The following EPHX4 variants were observed in gnomAD, a reference collection of about 807,000 sequenced individuals.
EPHX4 encodes epoxide hydrolase 4, also known as abhydrolase domain containing 7.
Under a neutral mutation model 44.9 loss-of-function variants are expected in EPHX4, and 31 were observed. The ratio of observed to expected loss-of-function variants is 0.69; its 90% CI spans 0.52 to 0.93. The LOEUF (loss-of-function observed/expected upper bound fraction) is 0.93. EPHX4 is among the 40% of genes least tolerant of loss of function. The pLI is 0.00. For missense variants in EPHX4, 373 were observed against 438.1 expected (o/e 0.85, Z 1.33); for synonymous variants, 151 against 159.7 (o/e 0.95, Z 0.41).
intron 2 of EPHX4, among the ~76,000 whole-genome samples, chr1:92,039,909 C>T (rs900443159): frequency 6.6e-6 from 1 of 152,164 alleles, no homozygotes; most frequent in African/African-American, 2.4e-5. Context: ...CCACTTTGGC[C>T]TTCCAAAGTG....
chr1:92,045,566 G>C lies in EPHX4; in HGVS notation c.510G>C (p.Trp170Cys), dbSNP rs746747897. ...YSKCVLIGHD[W>C]GGMIAWLIAI... ...AATGTGTTCTTATTGGCCATGACTG[G>C]GGGGGCATGATTGCTTGGCTAATTG... Residue 170 changes from tryptophan (W) to cysteine (C), a missense_variant, in exon 4 of 7, where the codon TGG (tryptophan) becomes TGC (cysteine). Transcript: ENST00000370383. 1.2e-6 allele frequency: 2 copies of C among 1,613,980 alleles called. No homozygotes were observed. Among genetic ancestry groups the C allele is most frequent in the East Asian group, 2.2e-5 (1 of 44,866 alleles).
Position 92,063,272 on chromosome 1 carries a change from A to T in EPHX4, c.1075A>T (p.Arg359Ter). The T allele has an allele frequency of 6.3e-7, 1 of 1,589,022 alleles. No individual in the cohort carries two copies. Among genetic ancestry groups the T allele is most frequent in the Non-Finnish European group, 8.6e-7 (1 of 1,163,544 alleles). The change falls in exon 7 of 7, where the codon AGA (arginine) becomes TGA (stop). Residue 359 changes from arginine (R) to a stop codon, truncating the protein, a stop_gained. Transcript: ENST00000370383. LOFTEE classifies it high-confidence loss of function. ...LIWTFLKEET[R>*]KKD ...ATGGACATTTCTAAAAGAAGAAACA[A>T]GAAAAAAAGATTGACTTTTCTTTAT...
At chr1:92,041,432 C>T (rs2101868841) in intron 2 of EPHX4, among the ~76,000 whole-genome samples, 1 of 152,010 alleles carries the variant, frequency 6.6e-6, no homozygotes, top group Non-Finnish European at 1.5e-5. Flanking sequence ...AAACTTTGAC[C>T]CTATTTGACA....
At chr1:92,054,998 G>A (rs1647332222) in intron 6 of EPHX4, among the ~76,000 whole-genome samples, 2 of 152,054 alleles carry the variant, frequency 1.3e-5, no homozygotes, top group African/African-American at 4.8e-5. Flanking sequence ...GTATATATAT[G>A]CTAATAATTT....
intron 2 of EPHX4, among the ~76,000 whole-genome samples, chr1:92,038,232 A>T (rs1688467560): frequency 1.3e-5 from 2 of 152,220 alleles, no homozygotes. Flanking sequence ...ATGTTGCAGG[A>T]TTATATAAAG....
rs113564397 is a variant in EPHX4, at chr1:92,032,876, G to A, written c.317+286G>A. Among the ~76,000 whole-genome samples the A allele has an allele frequency of 4.9e-3, 748 of 152,248 alleles. 12 individuals are homozygous for A. Among genetic ancestry groups the A allele is most frequent in the African/African-American group, 0.016 (678 of 41,546 alleles). ...ATTTCCATCCATGAGGGCAGAGCCT[G>A]CATGACCTAACCACCTCTTAAAGGT... On this transcript the variant is annotated intron_variant, in intron 2 of 6. Coordinates refer to ENST00000370383, the MANE Select transcript of EPHX4 (RefSeq NM_173567.5).
intron 4 of EPHX4, among the ~76,000 whole-genome samples, chr1:92,048,615 C>T (rs1570694076): frequency 2.0e-5 from 3 of 152,070 alleles, no homozygotes; most frequent in South Asian, 2.1e-4. Context: ...CTAAAAACTC[C>T]ATGTTGAATA....
intron 6 of EPHX4, among the ~76,000 whole-genome samples, chr1:92,059,772 A>T (rs1469056136): frequency 6.6e-6 from 1 of 152,182 alleles, no homozygotes; most frequent in African/African-American, 2.4e-5. Flanking sequence ...CTAACAAAAG[A>T]TGACCTTTAT....
intron 6 of EPHX4, among the ~76,000 whole-genome samples, chr1:92,059,553 T>C (rs1647445312): frequency 1.3e-5 from 2 of 152,132 alleles, no homozygotes; most frequent in South Asian, 4.1e-4. Context: ...GAAATAATAA[T>C]TCATAGATAA....
chr1:92,053,910 G>A (rs1159948179), intron 6 of EPHX4, among the ~76,000 whole-genome samples: 1 of 152,272 alleles, frequency 6.6e-6, no homozygotes, highest in South Asian at 2.1e-4. Flanking sequence ...GAGAATCTGG[G>A]ATGAAGATAT....
At position 92,052,655 on chromosome 1, in the gene EPHX4, T is replaced by A; in HGVS notation, c.854T>A (p.Phe285Tyr). The stretch of plus-strand genomic sequence containing the variant: ...CCAATTAACCATTACCGAAATATCT[T>A]CAGGTAAGTATAATTTCTTTTTAGT... ...SGPINHYRNI[F>Y]SCLPLKHHMV... is the part of the protein sequence containing the mutation. Residue 285 changes from phenylalanine (F) to tyrosine (Y), a missense_variant, in exon 6 of 7, where the codon TTC becomes TAC. By Grantham distance (22) the Phe-to-Tyr change is conservative. Transcript: ENST00000370383. 1.9e-6 allele frequency: 3 copies of A among 1,598,974 alleles called. No individual in the cohort carries two copies. The highest frequency in any genetic ancestry group is 2.6e-6 in the Non-Finnish European group (3 of 1,175,900).
chr1:92,061,793 CTA>C (rs1472828448), intron 6 of EPHX4, among the ~76,000 whole-genome samples: 1 of 152,006 alleles, frequency 6.6e-6, no homozygotes, highest in Non-Finnish European at 1.5e-5. Flanking sequence ...TATAAATTGT[CTA>C]TATTGCATTA....
At chr1:92,035,282 G>A (rs1028625347) in intron 2 of EPHX4, among the ~76,000 whole-genome samples, 1 of 152,154 alleles carries the variant, frequency 6.6e-6, no homozygotes, top group Non-Finnish European at 1.5e-5. Context: ...GGAGTGCGTG[G>A]CATAATTAGT....
rs373915794 is a variant in EPHX4, at chr1:92,042,896, G to A, written c.391G>A (p.Gly131Arg). The change falls in exon 3 of 7, where the codon GGA (glycine) becomes AGA (arginine). Residue 131 changes from glycine to arginine, a missense_variant. By Grantham distance (125) the Gly-to-Arg change is moderately radical (BLOSUM62 -2). Transcript: ENST00000370383. ...TGTAGCACTGGATTTGAGAGGTTAT[G>A]GAGAAACAGATGCTCCCATTCATCG... ...RVVALDLRGY[G>R]ETDAPIHRQN... 5 of 1,613,302 alleles carry A rather than the reference G, an allele frequency of 3.1e-6. No homozygotes were observed. Among genetic ancestry groups the A allele is most frequent in the Non-Finnish European group, 4.2e-6 (5 of 1,179,668 alleles).
intron 2 of EPHX4, 100 bp downstream of exon 2, chr1:92,032,690 T>A: frequency 2.0e-6 from 2 of 1,005,174 alleles, no homozygotes; most frequent in Non-Finnish European, 3.1e-6. Flanking sequence ...CTGGGTAACT[T>A]AAAATGAACA....
intron 6 of EPHX4, among the ~76,000 whole-genome samples, chr1:92,056,290 C>T (rs1647370048): frequency 6.6e-6 from 1 of 152,114 alleles, no homozygotes; most frequent in South Asian, 2.1e-4. Context: ...TCATTTATTA[C>T]CCTAAGCCTC....
chr1:92,058,414 C>T (rs1311457218), intron 6 of EPHX4, among the ~76,000 whole-genome samples: 2 of 150,032 alleles, frequency 1.3e-5, no homozygotes, highest in African/African-American at 4.9e-5. Context: ...GCACTCCAGC[C>T]TGGGGAACAA....
chr1:92,048,335 C>A (rs1688610599), intron 4 of EPHX4, among the ~76,000 whole-genome samples: 2 of 152,134 alleles, frequency 1.3e-5, no homozygotes, highest in South Asian at 4.1e-4. Flanking sequence ...GATCAGGACC[C>A]AAGAGTAAAT....
intron 2 of EPHX4, among the ~76,000 whole-genome samples, chr1:92,040,732 A>G (rs538643168): frequency 6.6e-6 from 1 of 152,204 alleles, no homozygotes; most frequent in African/African-American, 2.4e-5. Context: ...AAGTGCTGAG[A>G]TTACTGATGT....
Sources: gnomAD v4.1 joint callset for allele counts (sites outside exome capture counted in the v4.1 genomes callset) on GRCh38, gnomAD v4.1.1 for gene constraint, MANE v1.5 for transcripts, NCBI Gene and HGNC (gene_info 2026-07-23, HGNC 2026-07-21) for gene names.